EPHA5: variants seen among roughly 807,000 people sequenced by gnomAD.
EPHA5 encodes the protein ephrin type-A receptor 5.
EPHA5 carries 60 observed loss-of-function variants against 105.0 expected under a neutral mutation model. The observed-to-expected ratio is 0.57, with a 90% CI of 0.46 to 0.71. The LOEUF is 0.71. Ranked by LOEUF, EPHA5 falls within the 30% of genes least tolerant of loss-of-function variation. The probability of loss-of-function intolerance (pLI) is 0.00; values close to 1 mark genes in which losing one functional copy is unlikely to be tolerated. For synonymous variants in EPHA5, 513 were observed against 449.1 expected (o/e 1.14, Z -1.80); for missense variants, 1,218 against 1,274.7 (o/e 0.96, Z 0.68).
intron 8 of EPHA5, among the ~76,000 whole-genome samples, chr4:65,368,489 C>G (rs897761979): frequency 6.6e-6 from 1 of 152,094 alleles, no homozygotes; most frequent in Non-Finnish European, 1.5e-5. Context: ...TCCTTCACAA[C>G]AAACTAGTGC....
At chr4:65,489,484 G>C (rs1731202689) in intron 5 of EPHA5, among the ~76,000 whole-genome samples, 1 of 152,194 alleles carries the variant, frequency 6.6e-6, no homozygotes, top group African/African-American at 2.4e-5. Flanking sequence ...ACTTTGGACT[G>C]AGAGTTGTAG....
chr4:65,521,131 T>A (rs1425109385), intron 3 of EPHA5, among the ~76,000 whole-genome samples: 1 of 152,110 alleles, frequency 6.6e-6, no homozygotes, highest in African/African-American at 2.4e-5. Context: ...AACCCAAATG[T>A]CCATCAATGA....
At chr4:65,366,122 A>C in intron 9 of EPHA5, 65 bp from the exon 10 acceptor site, 1 of 1,444,270 alleles carries the variant, frequency 6.9e-7, no homozygotes, top group Non-Finnish European at 9.5e-7. Context: ...TATGAACTTT[A>C]TTAACATGCA....
intron 5 of EPHA5, among the ~76,000 whole-genome samples, chr4:65,465,221 G>C (rs1728496263): frequency 6.6e-6 from 1 of 151,844 alleles, no homozygotes; most frequent in Non-Finnish European, 1.5e-5. Flanking sequence ...GCGGTTCACA[G>C]GGTCAGGAGT....
chr4:65,621,060 G>GA (rs1304716197), intron 2 of EPHA5, among the ~76,000 whole-genome samples: 6 of 152,162 alleles, frequency 3.9e-5, no homozygotes, highest in South Asian at 2.1e-4. Flanking sequence ...AAATTCATTA[G>GA]AAAAAATAAA....
chr4:65,435,996 T>A (rs1221041769), intron 5 of EPHA5, among the ~76,000 whole-genome samples: 1 of 152,046 alleles, frequency 6.6e-6, no homozygotes. Context: ...AATTACACAC[T>A]TTTTCTCAGT....
At chr4:65,527,071 A>C (rs1735306467) in intron 3 of EPHA5, among the ~76,000 whole-genome samples, 1 of 152,054 alleles carries the variant, frequency 6.6e-6, no homozygotes, top group South Asian at 2.1e-4. Context: ...AAAAGTGATA[A>C]AAAGAGAATT....
chr4:65,520,057 C>G (rs956805315), intron 3 of EPHA5, among the ~76,000 whole-genome samples: 12 of 152,118 alleles, frequency 7.9e-5, no homozygotes, highest in Non-Finnish European at 1.6e-4. Context: ...CAAAAAAGAG[C>G]CTGCATTGCC....
chr4:65,439,469 A>G (rs1475563381), intron 5 of EPHA5, among the ~76,000 whole-genome samples: 2 of 137,914 alleles, frequency 1.5e-5, no homozygotes, highest in African/African-American at 5.6e-5. Flanking sequence ...GCTTTGGGAT[A>G]CCAAGTATCA....
chr4:65,382,439 G>A (rs983400413), intron 8 of EPHA5, among the ~76,000 whole-genome samples: 4 of 151,632 alleles, frequency 2.6e-5, no homozygotes, highest in Non-Finnish European at 5.9e-5. Context: ...GTTATTAAAC[G>A]TGTTAGATAC....
chr4:65,666,333 C>A (rs368437959), intron 1 of EPHA5, among the ~76,000 whole-genome samples: 1 of 152,122 alleles, frequency 6.6e-6, no homozygotes, highest in Non-Finnish European at 1.5e-5. Flanking sequence ...TGATTCACTG[C>A]GGGTGAATCA....
chr4:65,401,993 T>C (rs1293555093), intron 8 of EPHA5, among the ~76,000 whole-genome samples: 1 of 152,070 alleles, frequency 6.6e-6, no homozygotes, highest in Non-Finnish European at 1.5e-5. Context: ...TCTTGCATTA[T>C]AATCCCCATA....
At chr4:65,605,436 T>C (rs755083001) in intron 2 of EPHA5, among the ~76,000 whole-genome samples, 14 of 152,140 alleles carry the variant, frequency 9.2e-5, no homozygotes, top group Non-Finnish European at 1.6e-4. Context: ...ATTGCTCTCC[T>C]TTCCAGATCC....
intron 14 of EPHA5, among the ~76,000 whole-genome samples, chr4:65,342,682 A>AT (rs1721845870): frequency 2.0e-5 from 3 of 151,782 alleles, no homozygotes; most frequent in Admixed American, 1.3e-4. Flanking sequence ...CAACATATAC[A>AT]ATATACATAA....
chr4:65,361,027 C>T (rs1420708855), intron 11 of EPHA5, among the ~76,000 whole-genome samples: 1 of 151,636 alleles, frequency 6.6e-6, no homozygotes, highest in Non-Finnish European at 1.5e-5. Flanking sequence ...AGAATTCATT[C>T]ATTCAACACA....
chr4:65,551,893 T>C lies in EPHA5; in HGVS notation c.910+49748A>G, dbSNP rs147119883. Among the ~76,000 whole-genome samples, 841 of 152,308 alleles carry C rather than the reference T, an allele frequency of 5.5e-3. 7 individuals carry two copies. The highest frequency in any genetic ancestry group is 7.1e-3 in the Non-Finnish European group (484 of 68,024). ...TAATGGTTAATAAATTACGTTAAAA[T>C]TTTTAGTAAAATATTTATCAAGTCT... On this transcript the variant is annotated intron_variant, in intron 3 of 16. Coordinates refer to ENST00000613740, the MANE Select transcript of EPHA5 (RefSeq NM_001281766.3).
Position 65,600,629 on chromosome 4 carries a change from C to A in EPHA5, c.910+1012G>T, listed in dbSNP as rs1743626607. Among the ~76,000 whole-genome samples the A allele has an allele frequency of 1.3e-5, 2 of 151,976 alleles. 1 individual carries two copies. Among genetic ancestry groups the A allele is most frequent in the South Asian group, 4.1e-4 (2 of 4,834 alleles). On this transcript the variant is annotated intron_variant, in intron 3 of 16. Transcript: ENST00000613740. The stretch of plus-strand genomic sequence containing the variant: ...AGTGGACTTAGGAAAAATAAATGCA[C>A]CTGAAGCTACCAGGTGGGACTAAGG...
At chr4:65,426,063 C>T (rs1400203474) in intron 5 of EPHA5, among the ~76,000 whole-genome samples, 1 of 152,102 alleles carries the variant, frequency 6.6e-6, no homozygotes, top group Non-Finnish European at 1.5e-5. Context: ...TCCTGGCCTT[C>T]AGGGAGTTTT....
intron 1 of EPHA5, among the ~76,000 whole-genome samples, chr4:65,661,974 C>A (rs943870605): frequency 6.6e-6 from 1 of 152,154 alleles, no homozygotes; most frequent in Non-Finnish European, 1.5e-5. Flanking sequence ...AATTTATTTA[C>A]AAGAAGACTA....
Sources: allele counts gnomAD v4.1 joint callset (sites outside exome capture counted in the v4.1 genomes callset), GRCh38; gene constraint gnomAD v4.1.1; transcripts MANE v1.5; gene names NCBI Gene and HGNC (gene_info 2026-07-23, HGNC 2026-07-21).